PTK7: variants seen among roughly 807,000 people sequenced by gnomAD.
PTK7 encodes protein tyrosine kinase 7 (inactive).
A neutral mutation model predicts 116.6 loss-of-function variants in PTK7; 39 were observed. That is an observed-to-expected ratio of 0.33 (90% CI 0.26 to 0.44). PTK7 has a LOEUF of 0.44. Among genes scored for constraint, PTK7 ranks in the 20% least tolerant of loss-of-function variants. The pLI, the probability that PTK7 is intolerant of heterozygous loss-of-function variation, is 1.00. For missense variants in PTK7, 1,169 were observed against 1,425.6 expected (o/e 0.82, Z 2.90); for synonymous variants, 546 against 563.6 (o/e 0.97, Z 0.44).
intron 1 of PTK7, among the ~76,000 whole-genome samples, chr6:43,086,350 G>A (rs928195875): frequency 1.3e-5 from 2 of 152,122 alleles, no homozygotes; most frequent in Non-Finnish European, 2.9e-5. Context: ...GGCTCTCCCT[G>A]GGGGTGGTTA....
At chr6:43,150,499 C>T (rs1473615984) in intron 17 of PTK7, among the ~76,000 whole-genome samples, 1 of 152,176 alleles carries the variant, frequency 6.6e-6, no homozygotes, top group Non-Finnish European at 1.5e-5. Flanking sequence ...CCAAGTCCAC[C>T]TTCTTCTGTT....
chr6:43,156,019 A>T (rs897937869), intron 17 of PTK7, among the ~76,000 whole-genome samples: 1 of 152,004 alleles, frequency 6.6e-6, no homozygotes, highest in African/African-American at 2.4e-5. Flanking sequence ...ACTTGAGGTC[A>T]GGAATTCAAG....
Position 43,080,265 on chromosome 6 carries a change from T to C in PTK7, c.79+3698T>C, listed in dbSNP as rs370831685. ...TACTTGGGAGGCTGAGGCAGGAGAA[T>C]GGCGTGAACCCGGGAGGCAGAGCTT... On this transcript the variant is annotated intron_variant, in intron 1 of 19. Coordinates refer to ENST00000230419, the MANE Select transcript of PTK7 (RefSeq NM_002821.5). 6.6e-4 allele frequency among the ~76,000 whole-genome samples: 101 copies of C among 151,928 alleles called. 1 individual carries two copies. The East Asian group carries it at 0.017, about 26-fold the overall frequency.
At chr6:43,116,643 TGTGTGTGTGC>T (rs1308385501) in intron 1 of PTK7, among the ~76,000 whole-genome samples, 1,575 of 86,980 alleles carry the variant, frequency 0.018, 31 homozygotes, top group African/African-American at 0.051. Flanking sequence ...TGTGTGTGTG[TGTGTGTGTGC>T]GCGCGCACGC....
At chr6:43,160,577 C>T (rs1263316742) in intron 19 of PTK7, 144 bp from the exon 20 acceptor site, 13 of 1,012,376 alleles carry the variant, frequency 1.3e-5, no homozygotes, top group East Asian at 9.8e-5. Context: ...CATCTTTTTC[C>T]GTTGCGGGTA....
chr6:43,156,693 C>G (rs1219816948), intron 17 of PTK7, among the ~76,000 whole-genome samples: 1 of 151,924 alleles, frequency 6.6e-6, no homozygotes, highest in Non-Finnish European at 1.5e-5. Flanking sequence ...AGGACGAGAT[C>G]GAGACCATCC....
intron 14 of PTK7, 168 bp from the exon 15 acceptor site, chr6:43,144,283 A>C (rs1030280950): frequency 1.8e-5 from 13 of 739,182 alleles, no homozygotes; most frequent in African/African-American, 1.6e-4. Flanking sequence ...TACATCCCCC[A>C]CCCAGCCCCA....
chr6:43,095,372 T>TAAAC lies in PTK7; in HGVS notation c.79+18818_79+18821dup, dbSNP rs538127931. Reference sequence around the variant, plus strand: ...GGGCAACAAGAATGAAACTCTGTCTTAAACAAACAAACAAACCAAAACAAC... The same window carrying TAAAC: ...GGGCAACAAGAATGAAACTCTGTCTTAAACAAACAAACAAACAAACCAAAACAAC... On this transcript the variant is annotated intron_variant, in intron 1 of 19. Coordinates refer to ENST00000230419, the MANE Select transcript of PTK7 (RefSeq NM_002821.5). Among the ~76,000 whole-genome samples the TAAAC allele has an allele frequency of 2.7e-3, 414 of 152,158 alleles. 11 individuals are homozygous for TAAAC. Among genetic ancestry groups the TAAAC allele is most frequent in the Admixed American group, 0.025 (377 of 15,276 alleles).
intron 7 of PTK7, among the ~76,000 whole-genome samples, chr6:43,135,828 G>GTGGA (rs1230909056): frequency 6.6e-6 from 1 of 152,250 alleles, no homozygotes; most frequent in African/African-American, 2.4e-5. Flanking sequence ...GCCGAGGCAG[G>GTGGA]TGGATCACTT....
chr6:43,128,210 G>A (rs1769415733), intron 1 of PTK7, among the ~76,000 whole-genome samples: 1 of 152,190 alleles, frequency 6.6e-6, no homozygotes, highest in African/African-American at 2.4e-5. Context: ...TGTATTGGGG[G>A]AAGGTGGCCT....
chr6:43,124,096 C>G (rs931460076), intron 1 of PTK7, among the ~76,000 whole-genome samples: 1 of 152,090 alleles, frequency 6.6e-6, no homozygotes, highest in Admixed American at 6.6e-5. Flanking sequence ...TGGCATGGCC[C>G]GGTGGCAAAA....
intron 1 of PTK7, among the ~76,000 whole-genome samples, chr6:43,095,588 A>G (rs916933848): frequency 2.6e-5 from 4 of 152,234 alleles, no homozygotes; most frequent in African/African-American, 7.2e-5. Context: ...CCCAGGGGCT[A>G]GGAGACTCAG....
Position 43,129,314 on chromosome 6 carries a change from C to A in PTK7, c.367+50C>A, listed in dbSNP as rs1397899454. The A allele has an allele frequency of 6.2e-7, 1 of 1,601,804 alleles. No individual in the cohort carries two copies. Among genetic ancestry groups the A allele is most frequent in the Non-Finnish European group, 8.5e-7 (1 of 1,171,110 alleles). On this transcript the variant is annotated intron_variant, in intron 2 of 19. Transcript: ENST00000230419. The surrounding 1 kb of genome is among the most constrained non-coding windows in gnomAD (Gnocchi z 4.5). The stretch of plus-strand genomic sequence containing the variant: ...AGTCCCCCTGTCAGACCCTCAATGA[C>A]TGAGGCCTGGGGGATCCCTCCCTTA...
chr6:43,153,857 G>A (rs1771268008), intron 17 of PTK7, among the ~76,000 whole-genome samples: 1 of 151,906 alleles, frequency 6.6e-6, no homozygotes, highest in Non-Finnish European at 1.5e-5. Context: ...GCAACAAAGT[G>A]AGACTCTGTC....
intron 7 of PTK7, among the ~76,000 whole-genome samples, chr6:43,135,196 A>G (rs1472222406): frequency 6.6e-6 from 1 of 152,134 alleles, no homozygotes; most frequent in Non-Finnish European, 1.5e-5. Context: ...GTGCTCTGAG[A>G]AGGAGGCCTG....
At chr6:43,157,364 A>ATATTTTTTTTTTT (rs70990168) in intron 17 of PTK7, among the ~76,000 whole-genome samples, 2 of 54,364 alleles carry the variant, frequency 3.7e-5, no homozygotes, top group African/African-American at 7.2e-5. Context: ...ATATATATAT[A>ATATTTTTTTTTTT]TTTTTTTTTT....
At chr6:43,095,177 T>A (rs113533343) in intron 1 of PTK7, among the ~76,000 whole-genome samples, 1,668 of 128,688 alleles carry the variant, frequency 0.013, 37 homozygotes, top group African/African-American at 0.047. Flanking sequence ...CTGACCAACA[T>A]GGAGAAACCC....
At chr6:43,146,342 T>C (rs1409431912) in intron 16 of PTK7, among the ~76,000 whole-genome samples, 2 of 152,120 alleles carry the variant, frequency 1.3e-5, no homozygotes, top group African/African-American at 4.8e-5. Context: ...TCACTGAAGA[T>C]GGGGGCTCTG....
Position 43,141,592 on chromosome 6 carries a change from G to A in PTK7, c.1619-76G>A, listed in dbSNP as rs1770410263. ...AGCGATGGTGTGTTTTTGAGTAGAG[G>A]TGAGGGACTGAAGGCATTGCCAGCT... On this transcript the variant is annotated intron_variant, in intron 10 of 19. Transcript: ENST00000230419. The surrounding 1 kb of genome is among the most constrained non-coding windows in gnomAD (Gnocchi z 4.9). The A allele has an allele frequency of 1.3e-6, 2 of 1,511,474 alleles. No individual in the cohort carries two copies. Among genetic ancestry groups the A allele is most frequent in the Non-Finnish European group, 1.8e-6 (2 of 1,105,988 alleles). 93.6% of individuals were successfully genotyped at this position (1,511,474 alleles called of 1,614,324 possible).
Sources: allele counts gnomAD v4.1 joint callset (sites outside exome capture counted in the v4.1 genomes callset), GRCh38; gene constraint gnomAD v4.1.1; non-coding constraint Gnocchi (gnomAD v3.1); transcripts MANE v1.5; gene names NCBI Gene and HGNC (gene_info 2026-07-23, HGNC 2026-07-21).